The following UNC80 variants were observed in gnomAD, a reference collection of about 807,000 sequenced individuals.
UNC80 encodes the protein unc-80 subunit of NALCN channel complex.
UNC80 carries 164 observed loss-of-function variants against 384.6 expected under a neutral mutation model. The observed-to-expected ratio is 0.43, with a 90% CI of 0.38 to 0.49. The LOEUF (loss-of-function observed/expected upper bound fraction) is 0.49. Ranked by LOEUF, UNC80 falls within the 20% of genes least tolerant of loss-of-function variation. The probability of loss-of-function intolerance (pLI) is 0.00; values close to 1 mark genes in which losing one functional copy is unlikely to be tolerated. For missense variants in UNC80, 3,330 were observed against 4,143.0 expected, an observed-to-expected ratio of 0.80 and a Z score of 5.39; for synonymous variants, 1,486 against 1,527.8, an observed-to-expected ratio of 0.97 and a Z score of 0.64.
intron 20 of UNC80, among the ~76,000 whole-genome samples, chr2:209,840,968 T>G (rs2081697191): frequency 6.6e-6 from 1 of 152,250 alleles, no homozygotes; most frequent in African/African-American, 2.4e-5. Flanking sequence ...CTCAAACTCC[T>G]GTCCAAGGAT....
chr2:209,843,357 C>G (rs1313433559), intron 21 of UNC80, among the ~76,000 whole-genome samples: 1 of 151,940 alleles, frequency 6.6e-6, no homozygotes, highest in Non-Finnish European at 1.5e-5. Context: ...TTTTTGCTAG[C>G]TTTTTTTCAC....
chr2:209,826,713 T>TC lies in UNC80; in HGVS notation c.2478+661dup, dbSNP rs137974875. 7.8e-4 allele frequency among the ~76,000 whole-genome samples: 119 copies of TC among 152,284 alleles called. 1 individual carries two copies. The highest frequency in any genetic ancestry group is 2.8e-3 in the African/African-American group (118 of 41,558). ...ATTTGCCTCTGCTGACTGTTAATTT[T>TC]CTTTTTCAATTTGAACAATAACCTA... is the stretch of plus-strand genomic sequence containing the variant. On this transcript the variant is annotated intron_variant, in intron 14 of 64. Coordinates refer to ENST00000673920, the MANE Select transcript of UNC80 (RefSeq NM_001371986.1).
intron 4 of UNC80, among the ~76,000 whole-genome samples, chr2:209,781,311 G>A (rs949289552): frequency 6.6e-6 from 1 of 152,174 alleles, no homozygotes; most frequent in African/African-American, 2.4e-5. Flanking sequence ...GGGAAATTGA[G>A]ATCCAGAGAG....
At chr2:209,836,961 T>C (rs1004374270) in intron 18 of UNC80, among the ~76,000 whole-genome samples, 1 of 152,210 alleles carries the variant, frequency 6.6e-6, no homozygotes, top group Admixed American at 6.5e-5. Flanking sequence ...CCAGACTACA[T>C]AGTCATACAC....
chr2:209,934,920 AT>A (rs1402531404), intron 39 of UNC80, among the ~76,000 whole-genome samples: 1 of 152,206 alleles, frequency 6.6e-6, no homozygotes, highest in Non-Finnish European at 1.5e-5. Context: ...AGAAACTCCT[AT>A]TTTTAACATA....
chr2:209,907,291 C>CAAAA (rs35210647), intron 29 of UNC80, among the ~76,000 whole-genome samples: 5 of 68,634 alleles, frequency 7.3e-5, no homozygotes, highest in African/African-American at 1.1e-4. Flanking sequence ...CAATAATGGG[C>CAAAA]AAAAAAAAAA....
intron 58 of UNC80, among the ~76,000 whole-genome samples, chr2:209,977,456 T>A (rs1016295269): frequency 8.5e-5 from 13 of 152,236 alleles, no homozygotes; most frequent in Non-Finnish European, 1.5e-4. Context: ...TGAGCTTCTA[T>A]TTTATGGTAG....
At chr2:209,991,192 C>CTTCT (rs2093385003) in intron 61 of UNC80, among the ~76,000 whole-genome samples, 1 of 152,196 alleles carries the variant, frequency 6.6e-6, no homozygotes. Context: ...CTCTTAAGAA[C>CTTCT]TATCTGTAGA....
chr2:209,804,947 C>T (rs2078798677), intron 7 of UNC80, among the ~76,000 whole-genome samples: 1 of 152,042 alleles, frequency 6.6e-6, no homozygotes, highest in South Asian at 2.1e-4. Flanking sequence ...CCCTTGGCTT[C>T]ATCTTTAGAC....
intron 16 of UNC80, among the ~76,000 whole-genome samples, chr2:209,832,519 A>G (rs1559163966): frequency 6.6e-6 from 1 of 152,154 alleles, no homozygotes. Flanking sequence ...CCTATCAGCT[A>G]ATGTACTCAA....
At chr2:209,903,157 G>GATTCCCAAAATC (rs1226352321) in intron 28 of UNC80, among the ~76,000 whole-genome samples, 1 of 151,060 alleles carries the variant, frequency 6.6e-6, no homozygotes, top group Admixed American at 6.7e-5. Flanking sequence ...TATTGATAAT[G>GATTCCCAAAATC]ATTCCCAAAA....
At chr2:209,969,957 A>G (rs2092835675) in intron 53 of UNC80, 66 bp downstream of exon 53, 1 of 1,529,750 alleles carries the variant, frequency 6.5e-7, no homozygotes, top group African/African-American at 1.4e-5. Context: ...ACTTCTCTGA[A>G]TTGAAGATTT....
intron 11 of UNC80, 48 bp downstream of exon 11, chr2:209,818,000 T>C (rs1336458056): frequency 6.5e-7 from 1 of 1,546,162 alleles, no homozygotes; most frequent in Non-Finnish European, 8.7e-7. Context: ...GTTCTTTTTT[T>C]GTTTTCTGTC....
chr2:209,915,023 G>A (rs1199993795), intron 31 of UNC80, among the ~76,000 whole-genome samples: 1 of 152,024 alleles, frequency 6.6e-6, no homozygotes, highest in East Asian at 1.9e-4. Flanking sequence ...CTCAGAGAGC[G>A]CTGTAGGAGT....
At chr2:209,913,621 G>T (rs2124942756) in intron 30 of UNC80, among the ~76,000 whole-genome samples, 181 bp from the exon 31 acceptor site, 1 of 152,202 alleles carries the variant, frequency 6.6e-6, no homozygotes, top group East Asian at 1.9e-4. Context: ...TTATGCTTCA[G>T]TTATAAGGTA....
Position 209,984,805 on chromosome 2 carries a change from T to C in UNC80, c.9258-51T>C, listed in dbSNP as rs1023542879. On this transcript the variant is annotated intron_variant, in intron 60 of 64. Transcript: ENST00000673920. ...GCATGCCTTTTTTCTTTTTTCTTTT[T>C]TTTTTTCATTTTCTTTCCCTAAATG... is the stretch of plus-strand genomic sequence containing the variant. 5 of 1,491,448 alleles carry C rather than the reference T, an allele frequency of 3.4e-6. No homozygotes were observed. In the African/African-American group the frequency reaches 7.2e-5, roughly 21 times the overall value. 92.4% of individuals were successfully genotyped at this position (1,491,448 alleles called of 1,614,324 possible).
chr2:209,885,670 G>T (rs2085729600), intron 25 of UNC80, among the ~76,000 whole-genome samples: 1 of 151,804 alleles, frequency 6.6e-6, no homozygotes, highest in Non-Finnish European at 1.5e-5. Context: ...TTTTCTGGGT[G>T]TGATATAATT....
At chr2:209,812,287 C>T (rs1228387663) in intron 7 of UNC80, among the ~76,000 whole-genome samples, 3 of 151,324 alleles carry the variant, frequency 2.0e-5, no homozygotes, top group Non-Finnish European at 4.4e-5. Context: ...GTGTCGACCT[C>T]CTGACCCCGT....
chr2:209,952,752 C>A (rs1234086878), intron 47 of UNC80, among the ~76,000 whole-genome samples: 1 of 152,160 alleles, frequency 6.6e-6, no homozygotes, highest in Non-Finnish European at 1.5e-5. Flanking sequence ...TTTGTCCACC[C>A]TTTCTAGTAA....
Sources: allele counts gnomAD v4.1 joint callset (sites outside exome capture counted in the v4.1 genomes callset), GRCh38; gene constraint gnomAD v4.1.1; transcripts MANE v1.5; gene names NCBI Gene and HGNC (gene_info 2026-07-23, HGNC 2026-07-21).